CELF2: variants seen among roughly 807,000 people sequenced by gnomAD.
CELF2 encodes CUGBP Elav-like family member 2.
Under a neutral mutation model 62.6 loss-of-function variants are expected in CELF2, and 8 were observed. The observed-to-expected ratio is 0.13, with a 90% CI of 0.07 to 0.23. The LOEUF (loss-of-function observed/expected upper bound fraction) is 0.23, where lower values mean the gene tolerates loss of function less well. CELF2 is among the 10% of genes least tolerant of loss of function. The probability of loss-of-function intolerance (pLI) is 1.00; values close to 1 mark genes in which losing one functional copy is unlikely to be tolerated. For synonymous variants in CELF2, 258 were observed against 250.0 expected, an observed-to-expected ratio of 1.03 and a Z score of -0.30; for missense variants, 333 against 671.0, an observed-to-expected ratio of 0.50 and a Z score of 5.56.
chr10:10,487,747 T>C, the CELF2 span, among the ~76,000 whole-genome samples: 5 of 152,150 alleles, frequency 3.3e-5, no homozygotes, highest in African/African-American at 1.2e-4. Context: ...TATACCAAAT[T>C]AATGCATCAC....
At chr10:11,203,706 T>C (rs1188705589) in intron 2 of CELF2, among the ~76,000 whole-genome samples, 3 of 152,254 alleles carry the variant, frequency 2.0e-5, no homozygotes, top group Non-Finnish European at 2.9e-5. Flanking sequence ...AAATCTAGAA[T>C]GGACCCTTTT....
intron 1 of CELF2, among the ~76,000 whole-genome samples, chr10:11,009,737 T>G (rs1200415715): frequency 1.3e-5 from 2 of 152,184 alleles, no homozygotes; most frequent in African/African-American, 4.8e-5. Flanking sequence ...GGGAGCAGGA[T>G]TGGCAGCATG....
the CELF2 span, among the ~76,000 whole-genome samples, chr10:10,767,066 G>A: frequency 2.2e-4 from 34 of 152,236 alleles, no homozygotes; most frequent in African/African-American, 4.6e-4. Context: ...CTTCATCGCC[G>A]TCTTTTGGGG....
At chr10:10,764,586 C>T in the CELF2 span, among the ~76,000 whole-genome samples, 1 of 152,168 alleles carries the variant, frequency 6.6e-6, no homozygotes, top group Non-Finnish European at 1.5e-5. Flanking sequence ...GAGTAAGCTC[C>T]AAGGCACGTG....
intron 2 of CELF2, among the ~76,000 whole-genome samples, chr10:10,987,894 A>G (rs1015806328): frequency 6.6e-6 from 1 of 152,198 alleles, no homozygotes; most frequent in African/African-American, 2.4e-5. Context: ...GGAAATACAC[A>G]TTAAAACTAC....
chr10:11,181,214 A>G (rs1478307290), intron 2 of CELF2, among the ~76,000 whole-genome samples: 1 of 152,120 alleles, frequency 6.6e-6, no homozygotes, highest in Non-Finnish European at 1.5e-5. Flanking sequence ...TAGCATCCCC[A>G]CTTTTAACCA....
At chr10:10,979,043 G>A (rs1004301943) in intron 2 of CELF2, among the ~76,000 whole-genome samples, 1 of 152,142 alleles carries the variant, frequency 6.6e-6, no homozygotes, top group Non-Finnish European at 1.5e-5. Flanking sequence ...TTCAGGGCCA[G>A]TTCTCTGCCC....
chr10:10,653,186 A>C, the CELF2 span, among the ~76,000 whole-genome samples: 1 of 152,200 alleles, frequency 6.6e-6, no homozygotes, highest in Non-Finnish European at 1.5e-5. Flanking sequence ...ATATATATGC[A>C]CCCAATACAG....
At chr10:10,577,629 G>A in the CELF2 span, among the ~76,000 whole-genome samples, 3 of 151,274 alleles carry the variant, frequency 2.0e-5, no homozygotes, top group Admixed American at 6.6e-5. Context: ...TTGTCCTTGC[G>A]ATAGTTTGCT....
At chr10:11,138,184 CTT>C (rs1323090441) in intron 1 of CELF2, among the ~76,000 whole-genome samples, 2 of 152,138 alleles carry the variant, frequency 1.3e-5, no homozygotes, top group African/African-American at 4.8e-5. Context: ...CCATAAGAGA[CTT>C]TGAAATACTG....
intron 1 of CELF2, among the ~76,000 whole-genome samples, chr10:10,883,166 T>C (rs773963125): frequency 6.6e-6 from 1 of 152,244 alleles, no homozygotes; most frequent in Non-Finnish European, 1.5e-5. Flanking sequence ...ATATCCATTT[T>C]ACTTTTCAAG....
intron 1 of CELF2, among the ~76,000 whole-genome samples, chr10:11,069,033 A>G (rs1291858): frequency 0.11 from 16,760 of 152,212 alleles, 1,139 homozygotes; most frequent in African/African-American, 0.2. Context: ...ATGCTTATCA[A>G]TTATTCCCAA....
the CELF2 span, among the ~76,000 whole-genome samples, chr10:10,577,544 G>A: frequency 3.4e-5 from 5 of 147,378 alleles, no homozygotes; most frequent in Non-Finnish European, 7.4e-5. Context: ...AGTGTGTGAT[G>A]TTCCCCTTCC....
chr10:10,881,956 G>T (rs917422325), intron 1 of CELF2, among the ~76,000 whole-genome samples: 1 of 152,180 alleles, frequency 6.6e-6, no homozygotes, highest in Non-Finnish European at 1.5e-5. Context: ...GACACCTTTT[G>T]TATGTAGTAT....
rs965545870 is a variant in CELF2, at chr10:11,296,733, G to A, written c.976+8181G>A. 6.6e-6 allele frequency among the ~76,000 whole-genome samples: 1 copy of A among 152,166 alleles called. No individual in the cohort carries two copies. On this transcript the variant is annotated intron_variant, in intron 9 of 12. Transcript: ENST00000633077. The surrounding 1 kb of genome is among the most constrained non-coding windows in gnomAD (Gnocchi z 5.0). ...CACAGACAGCAGGAAGGCAGGTAAG[G>A]TACAGGGGTCAGTGACAGGAGAGAT...
At chr10:11,064,016 T>C (rs2067451366) in intron 1 of CELF2, among the ~76,000 whole-genome samples, 1 of 152,230 alleles carries the variant, frequency 6.6e-6, no homozygotes, top group African/African-American at 2.4e-5. Context: ...AACTAATTCC[T>C]GAGTGCCTTC....
At chr10:10,470,536 T>C in the CELF2 span, among the ~76,000 whole-genome samples, 4 of 151,832 alleles carry the variant, frequency 2.6e-5, no homozygotes, top group Non-Finnish European at 5.9e-5. Flanking sequence ...CATTCTCACC[T>C]TCTGGAAGTC....
At chr10:11,036,823 A>T (rs1242097313) in intron 1 of CELF2, among the ~76,000 whole-genome samples, 4 of 152,082 alleles carry the variant, frequency 2.6e-5, no homozygotes, top group Non-Finnish European at 5.9e-5. Flanking sequence ...TATGTCATGA[A>T]AGTATGTGTT....
intron 1 of CELF2, among the ~76,000 whole-genome samples, chr10:10,883,014 A>G (rs1018163972): frequency 6.6e-6 from 1 of 152,204 alleles, no homozygotes; most frequent in Non-Finnish European, 1.5e-5. Flanking sequence ...TTGAAATGTC[A>G]GTTCCACACT....
Sources: allele counts gnomAD v4.1 joint callset (sites outside exome capture counted in the v4.1 genomes callset), GRCh38; gene constraint gnomAD v4.1.1; non-coding constraint Gnocchi (gnomAD v3.1); transcripts MANE v1.5; gene names NCBI Gene and HGNC (gene_info 2026-07-23, HGNC 2026-07-21).